LDAH: variants seen among roughly 807,000 people sequenced by gnomAD.
LDAH encodes lipid droplet-associated hydrolase.
In LDAH, 26 loss-of-function variants were observed where a neutral mutation model predicts 29.6. The ratio of observed to expected loss-of-function variants is 0.88; its 90% CI spans 0.64 to 1.22. The LOEUF (loss-of-function observed/expected upper bound fraction) is 1.22, where lower values mean the gene tolerates loss of function less well. Among genes scored for constraint, LDAH ranks in the 50% most tolerant of loss-of-function variants. The pLI, the probability that LDAH is intolerant of heterozygous loss-of-function variation, is 0.00. For missense variants in LDAH, 344 were observed against 387.3 expected (o/e 0.89, Z 0.94); for synonymous variants, 117 against 133.0 (o/e 0.88, Z 0.83).
At chr2:20,776,304 G>A (rs536672432) in intron 3 of LDAH, among the ~76,000 whole-genome samples, 7 of 152,148 alleles carry the variant, frequency 4.6e-5, no homozygotes, top group Non-Finnish European at 7.4e-5. Flanking sequence ...TGAAACAAGC[G>A]TTATCTCCTC....
intron 3 of LDAH, among the ~76,000 whole-genome samples, chr2:20,786,722 AGTCTTTC>A (rs1449964931): frequency 6.6e-6 from 1 of 152,196 alleles, no homozygotes; most frequent in Non-Finnish European, 1.5e-5. Flanking sequence ...ATTAAACCTC[AGTCTTTC>A]AGTGGGCCTG....
chr2:20,757,020 C>G (rs993636408), intron 4 of LDAH, among the ~76,000 whole-genome samples: 1 of 152,190 alleles, frequency 6.6e-6, no homozygotes, highest in African/African-American at 2.4e-5. Flanking sequence ...GTGAAGATGG[C>G]AGGCTATCTT....
At chr2:20,752,206 TA>T (rs57796370) in intron 4 of LDAH, among the ~76,000 whole-genome samples, 94,967 of 150,782 alleles carry the variant, frequency 0.63, 31,168 homozygotes, top group African/African-American at 0.84. Flanking sequence ...CAGTAGTATT[TA>T]AAAAAAAAAA....
In LDAH at chr2:20,686,972, GATGAAAGCATGAGGT is replaced by G; in HGVS notation, c.894_908del (p.Pro299_Ile303del). 1 of 1,614,118 alleles carries G rather than the reference GATGAAAGCATGAGGT, an allele frequency of 6.2e-7. No individual in the cohort carries two copies. Among genetic ancestry groups the G allele is most frequent in the South Asian group, 1.1e-5 (1 of 91,076 alleles). On this transcript the variant is annotated inframe_deletion, in exon 7 of 7. Transcript: ENST00000237822. Reference sequence around the variant, plus strand: ...CTGCCATTTCCTGGTTAAAATGGGTGATGAAAGCATGAGGTATGTTTTTCTCACAGAGTCGAATGT... The same window carrying G: ...CTGCCATTTCCTGGTTAAAATGGGTGATGTTTTTCTCACAGAGTCGAATGT...
intron 5 of LDAH, among the ~76,000 whole-genome samples, chr2:20,728,615 G>A (rs901959213): frequency 1.3e-5 from 2 of 152,144 alleles, no homozygotes; most frequent in African/African-American, 2.4e-5. Context: ...AAGCCTGGGC[G>A]AAGGCAGCTT....
At chr2:20,688,153 C>T (rs1662702691) in intron 6 of LDAH, among the ~76,000 whole-genome samples, 1 of 152,076 alleles carries the variant, frequency 6.6e-6, no homozygotes, top group African/African-American at 2.4e-5. Flanking sequence ...GAAGGGGACC[C>T]CATGTATACA....
At chr2:20,810,619 T>G (rs561650776) in intron 1 of LDAH, among the ~76,000 whole-genome samples, 1 of 152,168 alleles carries the variant, frequency 6.6e-6, no homozygotes, top group East Asian at 1.9e-4. Context: ...GCACATAAGC[T>G]TTACTTCTGA....
chr2:20,727,961 C>T (rs1042809900), intron 5 of LDAH, among the ~76,000 whole-genome samples: 2 of 152,152 alleles, frequency 1.3e-5, no homozygotes, highest in African/African-American at 4.8e-5. Context: ...TAGAGAAGAA[C>T]GCTAATGCCC....
intron 4 of LDAH, among the ~76,000 whole-genome samples, chr2:20,752,168 G>C (rs1486542203): frequency 6.6e-6 from 1 of 151,842 alleles, no homozygotes; most frequent in African/African-American, 2.4e-5. Flanking sequence ...CTAGGATTAC[G>C]GGGATGAGCC....
intron 4 of LDAH, among the ~76,000 whole-genome samples, chr2:20,749,250 A>T (rs1667790040): frequency 6.6e-6 from 1 of 152,164 alleles, no homozygotes; most frequent in Non-Finnish European, 1.5e-5. Flanking sequence ...TCTTCTCTAT[A>T]AGGGTCAAGG....
intron 3 of LDAH, among the ~76,000 whole-genome samples, chr2:20,776,346 G>A (rs1391014086): frequency 6.6e-6 from 1 of 152,060 alleles, no homozygotes; most frequent in African/African-American, 2.4e-5. Flanking sequence ...ATGATGTGAG[G>A]AGTAAAGTGG....
At chr2:20,701,172 T>C (rs1450031067) in intron 6 of LDAH, among the ~76,000 whole-genome samples, 2 of 152,174 alleles carry the variant, frequency 1.3e-5, no homozygotes, top group Non-Finnish European at 2.9e-5. Flanking sequence ...TCTAACACAT[T>C]AGAGAATAAG....
In LDAH at chr2:20,695,611, G is replaced by A. The variant is rs143769027; in HGVS notation, c.786+5959C>T. On this transcript the variant is annotated intron_variant, in intron 6 of 6. Transcript: ENST00000237822. ...ACTATAGGCATGCACCACCATGCCC[G>A]GCTAATATTTGTATTTTTAGTGGAG... 7.2e-3 allele frequency among the ~76,000 whole-genome samples: 1,096 copies of A among 151,974 alleles called. 13 individuals are homozygous for A. The highest frequency in any genetic ancestry group is 0.025 in the African/African-American group (1,039 of 41,468).
chr2:20,695,603 C>T (rs904573424), intron 6 of LDAH, among the ~76,000 whole-genome samples: 1 of 152,056 alleles, frequency 6.6e-6, no homozygotes, highest in East Asian at 1.9e-4. Context: ...GCATGCACCA[C>T]CATGCCCGGC....
intron 1 of LDAH, among the ~76,000 whole-genome samples, chr2:20,804,124 C>T (rs1671906164): frequency 6.6e-6 from 1 of 152,184 alleles, no homozygotes; most frequent in Non-Finnish European, 1.5e-5. Context: ...CTAAGCTTCA[C>T]CTGGTAAAAT....
At chr2:20,782,937 C>G (rs529514366) in intron 3 of LDAH, among the ~76,000 whole-genome samples, 54 of 152,278 alleles carry the variant, frequency 3.5e-4, no homozygotes, top group African/African-American at 1.3e-3. Flanking sequence ...CTTCCTTCTT[C>G]TCTAATACAT....
At chr2:20,693,509 G>A (rs1663191624) in intron 6 of LDAH, among the ~76,000 whole-genome samples, 1 of 152,120 alleles carries the variant, frequency 6.6e-6, no homozygotes, top group Admixed American at 6.5e-5. Context: ...GACAGGTGGG[G>A]TAGAAGATAA....
At chr2:20,690,997 G>C (rs1662976103) in intron 6 of LDAH, among the ~76,000 whole-genome samples, 1 of 152,140 alleles carries the variant, frequency 6.6e-6, no homozygotes, top group African/African-American at 2.4e-5. Context: ...GCATTGAAGA[G>C]CTGGGCTACA....
intron 5 of LDAH, among the ~76,000 whole-genome samples, chr2:20,736,541 G>C (rs1480958841): frequency 6.6e-6 from 1 of 152,120 alleles, no homozygotes; most frequent in South Asian, 2.1e-4. Context: ...CATCCCTAAA[G>C]ATGTGTCTTG....
Sources: allele counts gnomAD v4.1 joint callset (sites outside exome capture counted in the v4.1 genomes callset), GRCh38; gene constraint gnomAD v4.1.1; transcripts MANE v1.5; gene names NCBI Gene and HGNC (gene_info 2026-07-23, HGNC 2026-07-21).